The following WDHD1 variants were observed in gnomAD, a reference collection of about 807,000 sequenced individuals.
The protein encoded by WDHD1 is WD repeat and HMG-box DNA binding protein 1, also known as WD repeat and HMG-box DNA-binding protein 1.
In WDHD1, 111 loss-of-function variants were observed where a neutral mutation model predicts 135.4. The ratio of observed to expected loss-of-function variants is 0.82; its 90% CI spans 0.70 to 0.96. WDHD1 has a LOEUF of 0.96. WDHD1 is among the 40% of genes least tolerant of loss of function. WDHD1 has a pLI of 0.00. For synonymous variants in WDHD1, 434 were observed against 439.0 expected (o/e 0.99, Z 0.14); for missense variants, 1,351 against 1,336.3 (o/e 1.01, Z -0.17).
intron 24 of WDHD1, among the ~76,000 whole-genome samples, chr14:54,948,755 C>T (rs753392367): frequency 2.0e-5 from 3 of 152,208 alleles, no homozygotes; most frequent in Non-Finnish European, 4.4e-5. Flanking sequence ...AGGCACCCCC[C>T]AGTAGGGGCA....
At position 54,987,185 on chromosome 14, in the gene WDHD1, C is replaced by A; in HGVS notation, c.1729G>T (p.Ala577Ser). 6.2e-7 allele frequency: 1 copy of A among 1,614,112 alleles called. No homozygotes were observed. The highest frequency in any genetic ancestry group is 8.5e-7 in the Non-Finnish European group (1 of 1,180,006). ...ATGAAAAGCTGTTCTCCATGTCCTGCCATTGACACCACAGGTCCAGCAAGG... is the reference window on the plus strand; with the variant it reads ...ATGAAAAGCTGTTCTCCATGTCCTGACATTGACACCACAGGTCCAGCAAGG... Reference protein sequence around the residue: ...FSLAGPVVSMAGHGEQLFIVY... With the variant: ...FSLAGPVVSMSGHGEQLFIVY... Residue 577 changes from alanine to serine, a missense_variant, in exon 14 of 26, where the codon GCA (alanine) becomes TCA (serine). Physicochemically the swap from Ala to Ser is moderately conservative, Grantham distance 99. Coordinates refer to ENST00000360586, the MANE Select transcript of WDHD1 (RefSeq NM_007086.4).
chr14:54,986,699 A>G (rs1398647468), intron 14 of WDHD1, among the ~76,000 whole-genome samples: 2 of 152,200 alleles, frequency 1.3e-5, no homozygotes, highest in Non-Finnish European at 2.9e-5. Flanking sequence ...ATTTTTTTAA[A>G]AAAGCACAGA....
chr14:54,977,851 A>G (rs898588684), intron 16 of WDHD1, among the ~76,000 whole-genome samples: 1 of 152,028 alleles, frequency 6.6e-6, no homozygotes, highest in Admixed American at 6.6e-5. Context: ...TTAACAAGTT[A>G]AAATTCTTTA....
rs910345553 is a variant in WDHD1, at chr14:54,983,439, G to A, written c.1906+1284C>T. 3.9e-5 allele frequency among the ~76,000 whole-genome samples: 6 copies of A among 152,058 alleles called. No homozygotes were observed. In the East Asian group the frequency reaches 9.7e-4, roughly 25 times the overall value. ...TGTAATCCCAGCACTTCAGGAGGTC[G>A]AGGCGGGTGGATCACATGAGGTCAG... On this transcript the variant is annotated intron_variant, in intron 15 of 25. Coordinates refer to ENST00000360586, the MANE Select transcript of WDHD1 (RefSeq NM_007086.4).
At chr14:54,974,392 C>T (rs2041488398) in intron 16 of WDHD1, among the ~76,000 whole-genome samples, 1 of 150,010 alleles carries the variant, frequency 6.7e-6, no homozygotes, top group South Asian at 2.1e-4. Flanking sequence ...GAGGTCACGC[C>T]ACTGCACTCC....
In WDHD1 at chr14:54,941,670, T is replaced by G; in HGVS notation, c.3210A>C (p.Lys1070Asn). 1.2e-6 allele frequency: 2 copies of G among 1,613,652 alleles called. No individual in the cohort carries two copies. Residue 1070 changes from lysine (K) to asparagine (N), a missense_variant, in exon 26 of 26, where the codon AAA becomes AAC. Coordinates refer to ENST00000360586, the MANE Select transcript of WDHD1 (RefSeq NM_007086.4). ...EERKVWANKA[K>N]GETASEGTEA... is the part of the protein sequence containing the mutation. ...CAGTTCCTTCACTTGCCGTTTCTCC[T>G]TTGGCTTTGTTAGCCCACACCTTTG... is the stretch of plus-strand genomic sequence containing the variant.
intron 24 of WDHD1, among the ~76,000 whole-genome samples, chr14:54,952,088 G>T (rs1325961715): frequency 2.0e-5 from 3 of 152,212 alleles, no homozygotes; most frequent in Middle Eastern, 3.2e-3. Flanking sequence ...GCACAAGACA[G>T]GGATGCCCTC....
rs922143556 is a variant in WDHD1 at position 54,939,157 on chromosome 14, T to C, written c.*2333A>G. 1 of 152,152 alleles carries C rather than the reference T, an allele frequency of 6.6e-6. No individual in the cohort carries two copies. Among genetic ancestry groups the C allele is most frequent in the African/African-American group, 2.4e-5 (1 of 41,430 alleles). The allele number at this position is 152,152 out of a possible 1,614,324, so 9.4% of individuals were successfully genotyped here. Reference sequence around the variant, plus strand: ...GGTTTGAGAGATTCAAGATGAAAACTTGGGGGAAAATTATATATTCTGATA... The same window carrying C: ...GGTTTGAGAGATTCAAGATGAAAACCTGGGGGAAAATTATATATTCTGATA... On this transcript the variant is annotated 3_prime_UTR_variant, in exon 26 of 26. Transcript: ENST00000360586.
intron 3 of WDHD1, among the ~76,000 whole-genome samples, chr14:55,012,110 T>C (rs1160240256): frequency 6.6e-6 from 1 of 152,166 alleles, no homozygotes; most frequent in Non-Finnish European, 1.5e-5. Context: ...TTGCCAATCT[T>C]ATGGGGAAAA....
chr14:54,955,830 C>T, intron 23 of WDHD1, 136 bp from the exon 24 acceptor site: 1 of 790,814 alleles, frequency 1.3e-6, no homozygotes, highest in Non-Finnish European at 1.7e-6. Flanking sequence ...CTGGAGTTCT[C>T]AGTTGTAAAT....
intron 24 of WDHD1, among the ~76,000 whole-genome samples, chr14:54,951,825 G>A (rs1023717362): frequency 1.1e-4 from 16 of 152,162 alleles, no homozygotes; most frequent in Non-Finnish European, 1.6e-4. Flanking sequence ...GGGATGCAAG[G>A]CTAGTTCAAC....
chr14:54,962,665 T>C, intron 20 of WDHD1, 73 bp downstream of exon 20: 1 of 1,568,468 alleles, frequency 6.4e-7, no homozygotes, highest in South Asian at 1.1e-5. Flanking sequence ...TCAATTTCCC[T>C]CAGTTAAGCA....
chr14:54,984,179 T>A (rs1018602001), intron 15 of WDHD1, among the ~76,000 whole-genome samples: 2 of 152,228 alleles, frequency 1.3e-5, no homozygotes, highest in African/African-American at 4.8e-5. Flanking sequence ...TCTTTATAAG[T>A]TTTCTAATGA....
At position 55,013,604 on chromosome 14, in the gene WDHD1, G is replaced by T. The variant is rs372078397; in HGVS notation, c.78-8C>A. ...CCACAAGTCACAATAAAACTGTGAA[G>T]AAAAGACACAAATTAAAGTCATCGG... On this transcript the variant is annotated splice_polypyrimidine_tract_variant and splice_region_variant and intron_variant, in intron 2 of 25. Transcript: ENST00000360586. 3.2e-5 allele frequency: 52 copies of T among 1,606,772 alleles called. No homozygotes were observed. Among genetic ancestry groups the T allele is most frequent in the Non-Finnish European group, 4.3e-5 (50 of 1,173,550 alleles).
chr14:54,996,884 C>G (rs1246993101), intron 10 of WDHD1, among the ~76,000 whole-genome samples: 1 of 151,864 alleles, frequency 6.6e-6, no homozygotes, highest in Middle Eastern at 3.4e-3. Flanking sequence ...CTCCGCCTCC[C>G]GGGTTCAAGC....
intron 16 of WDHD1, among the ~76,000 whole-genome samples, chr14:54,967,762 A>G (rs1049203085): frequency 3.3e-5 from 5 of 152,176 alleles, no homozygotes; most frequent in Non-Finnish European, 1.5e-5. Flanking sequence ...CTGGGACTAC[A>G]GATATATGCC....
rs762974745 is a variant in WDHD1 at position 55,010,395 on chromosome 14, A to T, written c.255T>A (p.Val85=). The part of the protein sequence containing the change: ...TIQVHTFPEG[V]PDGILTRFTT... Reference sequence around the variant, plus strand: ...TGAAGCGAGTCAATATACCATCTGGAACTCCTTCAGGAAATGTGTGGACTT... The same window carrying T: ...TGAAGCGAGTCAATATACCATCTGGTACTCCTTCAGGAAATGTGTGGACTT... Residue 85 remains valine, a synonymous_variant, in exon 4 of 26, where the codon GTT becomes GTA. Coordinates refer to ENST00000360586, the MANE Select transcript of WDHD1 (RefSeq NM_007086.4). 15 of 1,613,488 alleles carry T rather than the reference A, an allele frequency of 9.3e-6. No homozygotes were observed. The highest frequency in any genetic ancestry group is 2.2e-5 in the East Asian group (1 of 44,830).
At chr14:55,009,509 G>A (rs1359905335) in intron 4 of WDHD1, among the ~76,000 whole-genome samples, 3 of 150,820 alleles carry the variant, frequency 2.0e-5, no homozygotes, top group Admixed American at 6.6e-5. Flanking sequence ...CTCAGCTCAC[G>A]CAACCTCTGT....
rs138713030 is a variant in WDHD1 at position 55,019,415 on chromosome 14, G to A, written c.78-5819C>T. On this transcript the variant is annotated intron_variant, in intron 2 of 25. Transcript: ENST00000360586. Reference sequence around the variant, plus strand: ...GGCATAAGGGTGTCAATGTATTCACGTATTTTGAAGCCTATATTGTACCTT... The same window carrying A: ...GGCATAAGGGTGTCAATGTATTCACATATTTTGAAGCCTATATTGTACCTT... Among the ~76,000 whole-genome samples the A allele has an allele frequency of 4.9e-3, 752 of 152,120 alleles. 7 individuals are homozygous for A. The highest frequency in any genetic ancestry group is 0.013 in the African/African-American group (521 of 41,516).
Sources: allele counts gnomAD v4.1 joint callset (sites outside exome capture counted in the v4.1 genomes callset), GRCh38; gene constraint gnomAD v4.1.1; transcripts MANE v1.5; gene names NCBI Gene and HGNC (gene_info 2026-07-23, HGNC 2026-07-21).